BLTP1: variants seen among roughly 807,000 people sequenced by gnomAD.
BLTP1 encodes the protein fragile site-associated protein.
chr4:122,298,810 AAG>A, the BLTP1 span: 3 of 954,652 alleles, frequency 3.1e-6, no homozygotes, highest in South Asian at 1.5e-4. Context: ...AGCGCCTTTC[AAG>A]AGAGGGACAG....
At chr4:122,197,088 ATACT>A in the BLTP1 span, 91 of 668,418 alleles carry the variant, frequency 1.4e-4, no homozygotes, top group Non-Finnish European at 1.6e-4. Context: ...GGAACTTGTA[ATACT>A]TACTTAACAT....
At chr4:122,186,054 G>A in the BLTP1 span, 1 of 1,596,788 alleles carries the variant, frequency 6.3e-7, no homozygotes, top group Non-Finnish European at 8.5e-7. Flanking sequence ...GCAGAAACCA[G>A]GTTATACATC....
At chr4:122,344,704 C>A in the BLTP1 span, 1 of 1,218,126 alleles carries the variant, frequency 8.2e-7, no homozygotes, top group Non-Finnish European at 1.1e-6. Flanking sequence ...AATGCCCAGC[C>A]TACGGTACTG....
the BLTP1 span, chr4:122,349,120 G>T: frequency 6.6e-7 from 1 of 1,511,378 alleles, no homozygotes. This position sits in a 1 kb window ranked among gnomAD's most constrained non-coding sequence, Gnocchi z 4.5. Flanking sequence ...CATGACACTG[G>T]AAGCTATATA....
At chr4:122,184,702 T>A in the BLTP1 span, 2 of 985,366 alleles carry the variant, frequency 2.0e-6, no homozygotes, top group Non-Finnish European at 2.4e-6. Context: ...GTAAAAATGC[T>A]GGTTTAACAA....
At chr4:122,184,442 C>T in the BLTP1 span, among the ~76,000 whole-genome samples, 1 of 152,072 alleles carries the variant, frequency 6.6e-6, no homozygotes, top group Non-Finnish European at 1.5e-5. Context: ...AGCTCGAGAC[C>T]AGCCTGGACA....
chr4:122,314,831 A>G, the BLTP1 span, among the ~76,000 whole-genome samples: 1 of 152,182 alleles, frequency 6.6e-6, no homozygotes, highest in East Asian at 1.9e-4. Flanking sequence ...TATTAAAAGG[A>G]TATTTTCAGA....
At chr4:122,257,575 A>G in the BLTP1 span, 21 of 1,314,360 alleles carry the variant, frequency 1.6e-5, 1 homozygote, top group South Asian at 1.2e-4. Context: ...CAATTACTGT[A>G]TGTTTTTTGC....
the BLTP1 span, chr4:122,331,825 G>A: frequency 2.2e-6 from 2 of 923,770 alleles, no homozygotes; most frequent in Non-Finnish European, 1.3e-6. Context: ...GAATTTCTCA[G>A]TGTCTGTCCC....
At chr4:122,218,503 G>T in the BLTP1 span, among the ~76,000 whole-genome samples, 603 of 152,216 alleles carry the variant, frequency 4.0e-3, 2 homozygotes, top group African/African-American at 0.013. Flanking sequence ...CCTATGAAAA[G>T]ATATTATGTA....
the BLTP1 span, among the ~76,000 whole-genome samples, chr4:122,260,853 C>T: frequency 6.6e-6 from 1 of 151,926 alleles, no homozygotes; most frequent in Admixed American, 6.6e-5. Flanking sequence ...AATAAACTAG[C>T]GTACACTGAT....
At chr4:122,312,826 T>C in the BLTP1 span, 2 of 797,056 alleles carry the variant, frequency 2.5e-6, no homozygotes, top group African/African-American at 3.7e-5. Context: ...AACATTTGAA[T>C]ACCAATTTAG....
the BLTP1 span, among the ~76,000 whole-genome samples, chr4:122,176,255 A>T: frequency 6.6e-6 from 1 of 152,034 alleles, no homozygotes; most frequent in Non-Finnish European, 1.5e-5. Flanking sequence ...GTGAGCCAAG[A>T]TCGTGCCACT....
the BLTP1 span, chr4:122,261,477 T>A: frequency 2.0e-6 from 2 of 981,720 alleles, no homozygotes; most frequent in South Asian, 9.4e-5. Context: ...TATTTTAAAT[T>A]GATCGGCCAT....
the BLTP1 span, chr4:122,281,601 A>T: frequency 1.9e-6 from 3 of 1,613,310 alleles, no homozygotes; most frequent in Non-Finnish European, 2.5e-6. Context: ...ACAAGTGTTA[A>T]TCAAACTCCT....
At chr4:122,209,480 A>G in the BLTP1 span, 1 of 834,230 alleles carries the variant, frequency 1.2e-6, no homozygotes. Flanking sequence ...CCTTGTCTCT[A>G]GTAAATATAC....
At chr4:122,239,799 T>A in the BLTP1 span, 5 of 1,614,182 alleles carry the variant, frequency 3.1e-6, no homozygotes, top group East Asian at 1.1e-4. Flanking sequence ...ATCAGCAGAC[T>A]CTAATTCATT....
chr4:122,199,128 A>C, the BLTP1 span: 1 of 174,706 alleles, frequency 5.7e-6, no homozygotes, highest in Non-Finnish European at 1.1e-5. Flanking sequence ...ACTACAAAGG[A>C]AAGTAAAATC....
chr4:122,173,268 A>G, the BLTP1 span: 1 of 1,110,244 alleles, frequency 9.0e-7, no homozygotes, highest in Non-Finnish European at 1.3e-6. Context: ...AAGAGAAGCA[A>G]TTTATGTCTG....
Sources: allele counts gnomAD v4.1 joint callset (sites outside exome capture counted in the v4.1 genomes callset), GRCh38; gene constraint gnomAD v4.1.1; non-coding constraint Gnocchi (gnomAD v3.1); transcripts MANE v1.5; gene names NCBI Gene and HGNC (gene_info 2026-07-23, HGNC 2026-07-21).